POR: variants seen among roughly 807,000 people sequenced by gnomAD.
The protein encoded by POR is cytochrome p450 oxidoreductase.
In POR, 56 loss-of-function variants were observed where a neutral mutation model predicts 84.0. The observed-to-expected ratio is 0.67, with a 90% CI of 0.54 to 0.83. The LOEUF (loss-of-function observed/expected upper bound fraction) is 0.83. Among genes scored for constraint, POR ranks in the 40% least tolerant of loss-of-function variants. The probability of loss-of-function intolerance (pLI) is 0.00; values close to 1 mark genes in which losing one functional copy is unlikely to be tolerated. For synonymous variants in POR, 414 were observed against 400.5 expected (o/e 1.03, Z -0.40); for missense variants, 938 against 944.3 (o/e 0.99, Z 0.09).
At chr7:75,931,336 A>ATTTT (rs869253955) in intron 1 of POR, among the ~76,000 whole-genome samples, 41 of 136,370 alleles carry the variant, frequency 3.0e-4, no homozygotes, top group African/African-American at 3.8e-4. Flanking sequence ...TTATTGTGTG[A>ATTTT]TTTTATTTAT....
intron 1 of POR, among the ~76,000 whole-genome samples, chr7:75,935,775 G>T (rs918171230): frequency 6.6e-6 from 1 of 151,830 alleles, no homozygotes; most frequent in African/African-American, 2.4e-5. Flanking sequence ...TATTAATTTG[G>T]TTGGTCTGTT....
rs77285220 is a variant in POR, at chr7:75,924,084, C to T, written c.-5+8905C>T. Among the ~76,000 whole-genome samples the T allele has an allele frequency of 1.0e-3, 152 of 152,164 alleles. 3 individuals carry two copies. In the East Asian group the frequency reaches 0.027, roughly 27 times the overall value. The stretch of plus-strand genomic sequence containing the variant: ...GGGTTTAATGTTGGTGAATGAGTAA[C>T]TCTAGCATTTGTACAAGGCTCCCTA... On this transcript the variant is annotated intron_variant, in intron 1 of 15. Coordinates refer to ENST00000461988, the MANE Select transcript of POR (RefSeq NM_000941.3).
At position 75,986,598 on chromosome 7, in the gene POR, A is replaced by C; in HGVS notation, c.*117A>C. ...CCTTGGCATGGGCGCAGGCCCAGTG[A>C]CAAAGACTCCTCTGGGCCTGGGGTG... On this transcript the variant is annotated 3_prime_UTR_variant, in exon 16 of 16. Coordinates refer to ENST00000461988, the MANE Select transcript of POR (RefSeq NM_000941.3). 1 of 1,309,580 alleles carries C rather than the reference A, an allele frequency of 7.6e-7. No homozygotes were observed. Among genetic ancestry groups the C allele is most frequent in the Non-Finnish European group, 1.0e-6 (1 of 961,342 alleles). 81.1% of individuals were successfully genotyped at this position (1,309,580 alleles called of 1,614,324 possible). A position where few individuals can be genotyped will look rare whatever the true frequency, so the allele number is the denominator to read the frequency against.
At chr7:75,974,916 G>A (rs2116551297) in intron 3 of POR, among the ~76,000 whole-genome samples, 1 of 152,094 alleles carries the variant, frequency 6.6e-6, no homozygotes, top group South Asian at 2.1e-4. Flanking sequence ...TTATTAGGGA[G>A]ATGAATCTCT....
intron 2 of POR, among the ~76,000 whole-genome samples, chr7:75,955,782 C>T (rs996525018): frequency 4.1e-4 from 62 of 152,212 alleles, no homozygotes; most frequent in African/African-American, 1.4e-3. Context: ...CAGTTCCAGT[C>T]CAAGGCTGTG....
Position 75,915,167 on chromosome 7 carries a change from C to T in POR, c.-17C>T, listed in dbSNP as rs1474549769. 2 of 154,444 alleles carry T rather than the reference C, an allele frequency of 1.3e-5. No homozygotes were observed. The highest frequency in any genetic ancestry group is 1.5e-5 in the Non-Finnish European group (1 of 68,416). 9.6% of individuals were successfully genotyped at this position (154,444 alleles called of 1,614,324 possible). A position where few individuals can be genotyped will look rare whatever the true frequency, so the allele number is the denominator to read the frequency against. On this transcript the variant is annotated 5_prime_UTR_variant, in exon 1 of 16. Transcript: ENST00000461988. ...TGCCCAGGTGCCCGCAGAGAGCAGC[C>T]GGGCTGCCAGCGGTGAGTGCTATCT...
At chr7:75,964,142 G>A (rs1212253612) in intron 2 of POR, among the ~76,000 whole-genome samples, 8 of 151,828 alleles carry the variant, frequency 5.3e-5, no homozygotes, top group Non-Finnish European at 1.2e-4. Flanking sequence ...TGGGACTACA[G>A]GTGCCTGCCA....
intron 2 of POR, among the ~76,000 whole-genome samples, chr7:75,956,488 A>T (rs782697995): frequency 3.9e-5 from 6 of 152,184 alleles, no homozygotes; most frequent in African/African-American, 9.7e-5. Flanking sequence ...CCTGGGCGAG[A>T]CCTTAACCTC....
intron 1 of POR, 80 bp from the exon 2 acceptor site, chr7:75,953,909 C>A: frequency 1.7e-6 from 2 of 1,165,930 alleles, no homozygotes; most frequent in Non-Finnish European, 2.4e-6. Context: ...CAAGGCCCAG[C>A]ATTTAGGTGG....
At chr7:75,936,086 CTTTT>C (rs869164954) in intron 1 of POR, among the ~76,000 whole-genome samples, 137 of 99,772 alleles carry the variant, frequency 1.4e-3, no homozygotes, top group South Asian at 0.012. Context: ...TTCTTTCTTT[CTTTT>C]TTTTTTTTTT....
At position 75,985,797 on chromosome 7, in the gene POR, G is replaced by A. The variant is rs781840297; in HGVS notation, c.1617G>A (p.Gly539=). The stretch of plus-strand genomic sequence containing the variant: ...TCATCATGGTGGGCCCCGGCACCGG[G>A]GTGGCACCCTTCATAGGCTTCATCC... The change falls in exon 13 of 16, where the codon GGG becomes GGA. Residue 539 remains glycine (G), a synonymous_variant. Coordinates refer to ENST00000461988, the MANE Select transcript of POR (RefSeq NM_000941.3). 6.4e-7 allele frequency: 1 copy of A among 1,567,200 alleles called. No individual in the cohort carries two copies. The highest frequency in any genetic ancestry group is 1.2e-5 in the South Asian group (1 of 85,232).
At chr7:75,920,232 AT>A (rs1294099676) in intron 1 of POR, among the ~76,000 whole-genome samples, 30 of 150,000 alleles carry the variant, frequency 2.0e-4, no homozygotes, top group South Asian at 4.2e-4. Context: ...CGCCCGGCTA[AT>A]TTTTTTTTGT....
intron 12 of POR, 163 bp downstream of exon 12, chr7:75,985,370 G>C (rs1585134493): frequency 4.3e-6 from 5 of 1,166,184 alleles, no homozygotes; most frequent in Non-Finnish European, 5.8e-6. Context: ...ACTCAGTCGG[G>C]CTGGCTTGTG....
intron 1 of POR, 77 bp from the exon 2 acceptor site, chr7:75,953,912 T>G: frequency 1.7e-6 from 2 of 1,197,396 alleles, no homozygotes; most frequent in Admixed American, 2.4e-5. Context: ...GGCCCAGCAT[T>G]TAGGTGGGCA....
At chr7:75,957,522 G>A (rs909319735) in intron 2 of POR, among the ~76,000 whole-genome samples, 2 of 141,640 alleles carry the variant, frequency 1.4e-5, no homozygotes, top group Middle Eastern at 3.5e-3. Flanking sequence ...GAGTGAGGAC[G>A]TGGGTTGGCC....
chr7:75,981,271 C>T (rs1428070562), intron 6 of POR, 99 bp downstream of exon 6: 48 of 1,430,888 alleles, frequency 3.4e-5, no homozygotes, highest in South Asian at 1.6e-4. Context: ...TGAGACTCAG[C>T]GACACGCACC....
At chr7:75,943,869 G>A (rs782040665) in intron 1 of POR, 1 of 510,092 alleles carries the variant, frequency 2.0e-6, no homozygotes, top group South Asian at 1.4e-5. Flanking sequence ...AAGTCCAAAG[G>A]GCTGCGCGTC....
intron 2 of POR, among the ~76,000 whole-genome samples, chr7:75,962,411 C>A (rs1034759783): frequency 2.6e-5 from 4 of 152,144 alleles, no homozygotes; most frequent in African/African-American, 9.7e-5. Context: ...CGTCCCATCT[C>A]AGCCCCCTGA....
intron 1 of POR, among the ~76,000 whole-genome samples, chr7:75,940,505 C>T (rs1807926687): frequency 6.9e-6 from 1 of 144,872 alleles, no homozygotes; most frequent in South Asian, 2.2e-4. Context: ...ACTCTCGTGG[C>T]CGGGTGCAGT....
Sources: gnomAD v4.1 joint callset for allele counts (sites outside exome capture counted in the v4.1 genomes callset) on GRCh38, gnomAD v4.1.1 for gene constraint, MANE v1.5 for transcripts, NCBI Gene and HGNC (gene_info 2026-07-23, HGNC 2026-07-21) for gene names.